The following ADD1 variants were observed in gnomAD, a reference collection of about 807,000 sequenced individuals.
ADD1 encodes the protein adducin 1, also known as alpha-adducin.
Under a neutral mutation model 80.5 loss-of-function variants are expected in ADD1, and 24 were observed. That is an observed-to-expected ratio of 0.30 (90% CI 0.22 to 0.42). ADD1 has a LOEUF of 0.42. Ranked by LOEUF, ADD1 falls within the 10% of genes least tolerant of loss-of-function variation. The probability of loss-of-function intolerance (pLI) is 1.00; values close to 1 mark genes in which losing one functional copy is unlikely to be tolerated. For synonymous variants in ADD1, 373 were observed against 393.8 expected (o/e 0.95, Z 0.63); for missense variants, 948 against 1,019.0 (o/e 0.93, Z 0.95).
chr4:2,916,889 T>C (rs1739176775), intron 14 of ADD1, among the ~76,000 whole-genome samples: 1 of 152,254 alleles, frequency 6.6e-6, no homozygotes, highest in South Asian at 2.1e-4. Flanking sequence ...GATTGCATAG[T>C]ATTCCATGGT....
intron 4 of ADD1, 128 bp from the exon 5 acceptor site, chr4:2,893,885 C>A: frequency 1.3e-6 from 1 of 753,892 alleles, no homozygotes; most frequent in Non-Finnish European, 2.3e-6. Context: ...TCGTGACAGG[C>A]ATTGTGCATG....
At chr4:2,865,407 CAG>C (rs942170131) in intron 1 of ADD1, among the ~76,000 whole-genome samples, 2 of 152,214 alleles carry the variant, frequency 1.3e-5, no homozygotes, top group Admixed American at 6.5e-5. Flanking sequence ...TCAGAAGTTT[CAG>C]AGTTAATGAA....
chr4:2,868,959 C>CT lies in ADD1; in HGVS notation c.-20-6936dup, dbSNP rs569232415. On this transcript the variant is annotated intron_variant, in intron 1 of 15. Coordinates refer to ENST00000683351, the MANE Select transcript of ADD1 (RefSeq NM_001354761.2). ...TCATTAAAAATATGTGGAACACCTGCTGGGTGCCAGGTACTGCATGTGAAA... is the reference window on the plus strand; with the variant it reads ...TCATTAAAAATATGTGGAACACCTGCTTGGGTGCCAGGTACTGCATGTGAAA... 1.1e-3 allele frequency among the ~76,000 whole-genome samples: 166 copies of CT among 152,242 alleles called. 1 individual carries two copies. Among genetic ancestry groups the CT allele is most frequent in the Admixed American group, 3.6e-3 (55 of 15,288 alleles).
chr4:2,915,600 C>T (rs1738865437), intron 14 of ADD1, among the ~76,000 whole-genome samples: 1 of 152,148 alleles, frequency 6.6e-6, no homozygotes. Flanking sequence ...GAGATTGCAC[C>T]ACGGCACTCC....
intron 9 of ADD1, among the ~76,000 whole-genome samples, chr4:2,904,419 C>T (rs1736694282): frequency 6.6e-6 from 1 of 152,238 alleles, no homozygotes; most frequent in Non-Finnish European, 1.5e-5. Context: ...GTCTCTTTCA[C>T]TCAGCGTTGC....
chr4:2,894,708 A>G lies in ADD1; in HGVS notation c.718A>G (p.Ile240Val). ...ARPDVKCVVH[I>V]HTPAGAAVSA... ...CCCGGACGTGAAGTGCGTCGTGCAC[A>G]TTCACACCCCAGCAGGGGCTGCGGT... The change falls in exon 6 of 16, where the codon ATT (isoleucine) becomes GTT (valine). Residue 240 changes from isoleucine to valine, a missense_variant. Physicochemically the swap from Ile to Val is conservative, Grantham distance 29. Coordinates refer to ENST00000683351, the MANE Select transcript of ADD1 (RefSeq NM_001354761.2). The G allele has an allele frequency of 6.2e-7, 1 of 1,602,036 alleles. No homozygotes were observed.
At chr4:2,875,545 C>T (rs1168050982) in intron 1 of ADD1, among the ~76,000 whole-genome samples, 1 of 152,154 alleles carries the variant, frequency 6.6e-6, no homozygotes, top group South Asian at 2.1e-4. Flanking sequence ...CAGATCTTGT[C>T]TGTGTGGAAC....
chr4:2,913,870 G>A (rs1738495091), intron 13 of ADD1, among the ~76,000 whole-genome samples: 1 of 152,062 alleles, frequency 6.6e-6, no homozygotes, highest in Admixed American at 6.5e-5. Context: ...ATGTGCATGT[G>A]TGTAAGTGCT....
intron 10 of ADD1, among the ~76,000 whole-genome samples, chr4:2,906,805 C>T (rs1165604967): frequency 6.6e-6 from 1 of 152,198 alleles, no homozygotes; most frequent in Non-Finnish European, 1.5e-5. Flanking sequence ...ATGCCCATTC[C>T]ACACTCTCCT....
rs1167878841 is a variant in ADD1 at position 2,880,463 on chromosome 4, C to CTTTTTTTTTTTTT, written c.196-1417_196-1405dup. Among the ~76,000 whole-genome samples, 5 of 63,166 alleles carry CTTTTTTTTTTTTT rather than the reference C, an allele frequency of 7.9e-5. 1 individual carries two copies. The highest frequency in any genetic ancestry group is 1.2e-4 in the Non-Finnish European group (4 of 34,628). The allele number at this position is 63,166 out of a possible 152,430, so 41.4% of individuals were successfully genotyped here. Reference sequence around the variant, plus strand: ...TGTTTGACAAGATATTTCTTTCTTTCTTTTTTTTTTTTTTTTTTTTTTTTT... The same window carrying CTTTTTTTTTTTTT: ...TGTTTGACAAGATATTTCTTTCTTTCTTTTTTTTTTTTTTTTTTTTTTTTTTTTTTTTTTTTTT... On this transcript the variant is annotated intron_variant, in intron 2 of 15. Transcript: ENST00000683351.
At chr4:2,925,639 C>G (rs1176508031) in intron 14 of ADD1, among the ~76,000 whole-genome samples, 2 of 152,214 alleles carry the variant, frequency 1.3e-5, no homozygotes, top group African/African-American at 4.8e-5. Context: ...TGAGTGGGTT[C>G]AGGACCCTCA....
rs1362396947 is a variant in ADD1 at position 2,909,459 on chromosome 4, G to A, written c.1791+28G>A. The A allele has an allele frequency of 2.0e-6, 3 of 1,518,120 alleles. No homozygotes were observed. In the African/African-American group the frequency reaches 4.2e-5, roughly 21 times the overall value. 94.0% of individuals were successfully genotyped at this position (1,518,120 alleles called of 1,614,324 possible). A position where few individuals can be genotyped will look rare whatever the true frequency, so the allele number is the denominator to read the frequency against. On this transcript the variant is annotated intron_variant, in intron 13 of 15. Coordinates refer to ENST00000683351, the MANE Select transcript of ADD1 (RefSeq NM_001354761.2). Reference sequence around the variant, plus strand: ...ACTCACTGCCCTGTCCTCACTACCTGTCTATGCGCCTTGCTCCCCTCCCCT... The same window carrying A: ...ACTCACTGCCCTGTCCTCACTACCTATCTATGCGCCTTGCTCCCCTCCCCT...
chr4:2,869,018 G>A (rs17833250), intron 1 of ADD1, among the ~76,000 whole-genome samples: 1 of 152,014 alleles, frequency 6.6e-6, no homozygotes, highest in African/African-American at 2.4e-5. Flanking sequence ...ACTCTGCTGT[G>A]TTTTCTGTGC....
chr4:2,884,522 T>C lies in ADD1; in HGVS notation c.366T>C (p.Gly122=), dbSNP rs1462830897. The C allele has an allele frequency of 1.3e-6, 2 of 1,599,974 alleles. No individual in the cohort carries two copies. The highest frequency in any genetic ancestry group is 1.7e-6 in the Non-Finnish European group (2 of 1,170,262). ...TGTTTTTCTTTATTTCAGGTCTTGG[T>C]ATGGTGACTCCTGTGAACGATCTTA... is the stretch of plus-strand genomic sequence containing the variant. ...GGMAALNMSL[G]MVTPVNDLRG... Residue 122 remains glycine, a synonymous_variant, in exon 4 of 16, where the codon GGT becomes GGC. Transcript: ENST00000683351.
chr4:2,919,456 C>T (rs540773277), intron 14 of ADD1, among the ~76,000 whole-genome samples: 4 of 152,162 alleles, frequency 2.6e-5, no homozygotes, highest in East Asian at 1.9e-4. Context: ...GCTGTGAATC[C>T]GTCTGGTCCT....
intron 13 of ADD1, among the ~76,000 whole-genome samples, chr4:2,913,677 T>C (rs2109117118): frequency 6.6e-6 from 1 of 152,040 alleles, no homozygotes; most frequent in East Asian, 1.9e-4. Flanking sequence ...TCAGTCCAAG[T>C]TCCCCTGTCT....
At chr4:2,845,621 T>C (rs865917338) in intron 1 of ADD1, among the ~76,000 whole-genome samples, 1 of 152,194 alleles carries the variant, frequency 6.6e-6, no homozygotes, top group Admixed American at 6.5e-5. Context: ...AATTGTGAGA[T>C]AGTTTTCCTT....
At chr4:2,909,979 A>C (rs1200924264) in intron 13 of ADD1, among the ~76,000 whole-genome samples, 1 of 150,732 alleles carries the variant, frequency 6.6e-6, no homozygotes, top group Non-Finnish European at 1.5e-5. Context: ...AAAAAAAAAA[A>C]AAAAAACCCT....
chr4:2,849,588 T>A (rs966967701), intron 1 of ADD1, among the ~76,000 whole-genome samples: 1 of 152,204 alleles, frequency 6.6e-6, no homozygotes. Context: ...GAGAAAGTCA[T>A]CATTTGGGAG....
Sources: allele counts gnomAD v4.1 joint callset (sites outside exome capture counted in the v4.1 genomes callset), GRCh38; gene constraint gnomAD v4.1.1; transcripts MANE v1.5; gene names NCBI Gene and HGNC (gene_info 2026-07-23, HGNC 2026-07-21).